CELSR2: variants seen among roughly 807,000 people sequenced by gnomAD.
The protein encoded by CELSR2 is EGF-like protein 2.
A neutral mutation model predicts 251.6 loss-of-function variants in CELSR2; 81 were observed. The ratio of observed to expected loss-of-function variants is 0.32; its 90% confidence interval spans 0.27 to 0.39. The LOEUF (loss-of-function observed/expected upper bound fraction) is 0.39. Ranked by LOEUF, CELSR2 falls within the 10% of genes least tolerant of loss-of-function variation. The pLI, the probability that CELSR2 is intolerant of heterozygous loss-of-function variation, is 1.00. For synonymous variants in CELSR2, 1,721 were observed against 1,670.5 expected (o/e 1.03, Z -0.74); for missense variants, 3,365 against 3,947.7 (o/e 0.85, Z 3.96).
rs1334116691 is a variant in CELSR2, at chr1:109,252,282, A to G, written c.2203A>G (p.Ser735Gly). 2 of 1,613,314 alleles carry G rather than the reference A, an allele frequency of 1.2e-6. No homozygotes were observed. Among genetic ancestry groups the G allele is most frequent in the East Asian group, 2.2e-5 (1 of 44,888 alleles). Residue 735 changes from serine to glycine, a missense_variant, in exon 1 of 34, where the codon AGC becomes GGC. Coordinates refer to ENST00000271332, the MANE Select transcript of CELSR2 (RefSeq NM_001408.3). This position sits in a 1 kb window ranked among gnomAD's most constrained non-coding sequence, Gnocchi z 4.8. ...GGCAGGCACCACGGTGGTGCTGATC[A>G]GCGCCACGGATGAGGACACAGGTGA... is the stretch of plus-strand genomic sequence containing the variant. ...RPAGTTVVLI[S>G]ATDEDTGENA...
intron 17 of CELSR2, 65 bp from the exon 18 acceptor site, chr1:109,268,516 G>T: frequency 1.3e-6 from 2 of 1,527,834 alleles, no homozygotes; most frequent in Non-Finnish European, 1.8e-6. Context: ...CACAGGCCGG[G>T]GCTCCATGGT....
rs779560542 is a variant in CELSR2 at position 109,251,267 on chromosome 1, C to T, written c.1188C>T (p.Ala396=). ...CTGTGGAGGATGACAATGATAATGC[C>T]CCCCAGTTTAGTGAGAAGCGCTATG... ...FLSVEDDNDN[A]PQFSEKRYVV... Residue 396 remains alanine, a synonymous_variant, in exon 1 of 34, where the codon GCC becomes GCT. Transcript: ENST00000271332. The surrounding 1 kb of genome is among the most constrained non-coding windows in gnomAD (Gnocchi z 4.9). The T allele has an allele frequency of 2.0e-5, 33 of 1,614,090 alleles. 2 individuals carry two copies. In the South Asian group the frequency reaches 3.2e-4, roughly 16 times the overall value.
Position 109,249,554 on chromosome 1 carries a change from C to T in CELSR2, c.-526C>T, listed in dbSNP as rs914223401. Reference sequence around the variant, plus strand: ...CCGCGACTCTGCAGAGCTCGCCCGCCCGCCGGGGAGGCGAGGGAGCGCGGG... The same window carrying T: ...CCGCGACTCTGCAGAGCTCGCCCGCTCGCCGGGGAGGCGAGGGAGCGCGGG... On this transcript the variant is annotated 5_prime_UTR_variant, in exon 1 of 34. Coordinates refer to ENST00000271332, the MANE Select transcript of CELSR2 (RefSeq NM_001408.3). 1.4e-4 allele frequency among the ~76,000 whole-genome samples: 21 copies of T among 150,456 alleles called. No homozygotes were observed. Among genetic ancestry groups the T allele is most frequent in the African/African-American group, 4.8e-4 (20 of 41,298 alleles).
chr1:109,273,836 C>A, intron 33 of CELSR2, 166 bp downstream of exon 33: 1 of 1,029,762 alleles, frequency 9.7e-7, no homozygotes, highest in South Asian at 1.5e-5. Flanking sequence ...ACCATGGTGC[C>A]TTGCGGGGAG....
Position 109,273,420 on chromosome 1 carries a change from C to T in CELSR2, c.8510-16C>T, listed in dbSNP as rs1459477449. 6.2e-7 allele frequency: 1 copy of T among 1,609,090 alleles called. No individual in the cohort carries two copies. Among genetic ancestry groups the T allele is most frequent in the African/African-American group, 1.3e-5 (1 of 74,882 alleles). On this transcript the variant is annotated splice_polypyrimidine_tract_variant and intron_variant, in intron 32 of 33. Transcript: ENST00000271332. ...TCTCCTGTGGCCGCACCTCACAGCC[C>T]CGCCCCGGCCCACAGGCATCCTTAA...
At chr1:109,255,020 C>CGGT (rs1483933757) in intron 1 of CELSR2, among the ~76,000 whole-genome samples, 1 of 152,194 alleles carries the variant, frequency 6.6e-6, no homozygotes, top group Non-Finnish European at 1.5e-5. Context: ...ATTAAGCCTT[C>CGGT]GGTCTCCCAC....
intron 1 of CELSR2, among the ~76,000 whole-genome samples, chr1:109,254,901 C>T (rs1011466193): frequency 6.6e-6 from 1 of 152,218 alleles, no homozygotes; most frequent in Non-Finnish European, 1.5e-5. Context: ...TGTGCCTGGG[C>T]ACTTGAGACA....
intron 29 of CELSR2, 88 bp from the exon 30 acceptor site, chr1:109,272,539 AAGGGACCCACAGC>A: frequency 1.3e-6 from 2 of 1,483,922 alleles, no homozygotes; most frequent in Non-Finnish European, 1.9e-6. Flanking sequence ...TAGAAGCTGT[AAGGGACCCACAGC>A]AGGAACCAGG....
rs745589343 is a variant in CELSR2 at position 109,273,474 on chromosome 1, A to G, written c.8548A>G (p.Lys2850Glu). 1 of 1,612,532 alleles carries G rather than the reference A, an allele frequency of 6.2e-7. No homozygotes were observed. The highest frequency in any genetic ancestry group is 2.2e-5 in the East Asian group (1 of 44,794). The change falls in exon 33 of 34, where the codon AAG becomes GAG. Residue 2850 changes from lysine to glutamate, a missense_variant. By Grantham distance (56) the Lys-to-Glu change is moderately conservative. This residue lies in a region of CELSR2 where 2,093 missense variants were observed against 2,382.8 expected (regional missense o/e 0.88). Coordinates refer to ENST00000271332, the MANE Select transcript of CELSR2 (RefSeq NM_001408.3). ...KKKCLPTISE[K>E]SSLLRLPLEQ... Reference sequence around the variant, plus strand: ...GAAGTGTCTGCCCACCATCAGCGAGAAGAGCAGCCTCCTGCGGCTCCCCCT... The same window carrying G: ...GAAGTGTCTGCCCACCATCAGCGAGGAGAGCAGCCTCCTGCGGCTCCCCCT...
At chr1:109,267,527 C>G (rs745515662) in intron 15 of CELSR2, 21 bp from the exon 16 acceptor site, 2 of 1,610,680 alleles carry the variant, frequency 1.2e-6, no homozygotes, top group Non-Finnish European at 1.7e-6. Flanking sequence ...GAGGCCGGCC[C>G]TTTTGGCTTC....
At position 109,271,611 on chromosome 1, in the gene CELSR2, C is replaced by T. The variant is rs574453517; in HGVS notation, c.7815C>T (p.Ile2605=). ...CTCTTGCCTGCCAGGGCCCCTTCATCTTCCTCTCCTATGTGGTGCTTAGCA... is the reference window on the plus strand; with the variant it reads ...CTCTTGCCTGCCAGGGCCCCTTCATTTTCCTCTCCTATGTGGTGCTTAGCA... ...ATCNCIQGPF[I]FLSYVVLSKE... Residue 2605 remains isoleucine, a synonymous_variant, in exon 28 of 34, where the codon ATC becomes ATT. Coordinates refer to ENST00000271332, the MANE Select transcript of CELSR2 (RefSeq NM_001408.3). The T allele has an allele frequency of 1.2e-6, 2 of 1,614,140 alleles. No homozygotes were observed. The highest frequency in any genetic ancestry group is 3.3e-5 in the Admixed American group (2 of 60,028).
At chr1:109,268,809 C>T (rs749087656) in intron 18 of CELSR2, 45 bp downstream of exon 18, 3 of 1,582,588 alleles carry the variant, frequency 1.9e-6, no homozygotes, top group Non-Finnish European at 2.6e-6. Context: ...GGAGGGAGTC[C>T]CCGACAAGAG....
rs142614123 is a variant in CELSR2 at position 109,251,351 on chromosome 1, G to A, written c.1272G>A (p.Ser424=). The change falls in exon 1 of 34, where the codon TCG becomes TCA. Residue 424 remains serine (S), a synonymous_variant. Coordinates refer to ENST00000271332, the MANE Select transcript of CELSR2 (RefSeq NM_001408.3). This position sits in a 1 kb window ranked among gnomAD's most constrained non-coding sequence, Gnocchi z 4.9. The part of the protein sequence containing the change: ...PGAPVLRVTA[S]DRDKGSNAVV... ...CCCCAGTACTCCGAGTCACAGCCTC[G>A]GATCGAGACAAGGGGAGCAATGCCG... 1.3e-4 allele frequency: 215 copies of A among 1,614,128 alleles called. 1 individual carries two copies. Among genetic ancestry groups the A allele is most frequent in the Admixed American group, 8.5e-4 (51 of 60,034 alleles).
At position 109,263,928 on chromosome 1, in the gene CELSR2, G is replaced by A. The variant is rs56197083; in HGVS notation, c.5002-150G>A. 14,804 of 1,385,364 alleles carry A rather than the reference G, an allele frequency of 0.011. 1,206 individuals are homozygous for A. The African/African-American group carries it at 0.19, about 17-fold the overall frequency. 85.8% of individuals were successfully genotyped at this position (1,385,364 alleles called of 1,614,324 possible). Reference sequence around the variant, plus strand: ...GTTGGGAAGGTCAATGCTGCCACCTGTTGGGCCTGAGGGAAATAAATACGC... The same window carrying A: ...GTTGGGAAGGTCAATGCTGCCACCTATTGGGCCTGAGGGAAATAAATACGC... On this transcript the variant is annotated intron_variant, in intron 9 of 33. Transcript: ENST00000271332.
chr1:109,256,720 C>T (rs897079029), intron 1 of CELSR2, among the ~76,000 whole-genome samples: 3 of 152,186 alleles, frequency 2.0e-5, no homozygotes, highest in African/African-American at 7.2e-5. Context: ...CGGCTCACTG[C>T]AACCTCTGCC....
At chr1:109,257,347 T>G (rs1655876015) in intron 1 of CELSR2, among the ~76,000 whole-genome samples, 1 of 140,212 alleles carries the variant, frequency 7.1e-6, no homozygotes, top group Non-Finnish European at 1.5e-5. Context: ...AGAGTCTGTC[T>G]CTTAAAAAAA....
intron 5 of CELSR2, 137 bp downstream of exon 5, chr1:109,262,033 G>A: frequency 9.3e-7 from 1 of 1,074,174 alleles, no homozygotes; most frequent in Non-Finnish European, 1.4e-6. Flanking sequence ...CGGCTGGGAA[G>A]GTGCCACCTT....
At position 109,252,890 on chromosome 1, in the gene CELSR2, G is replaced by A; in HGVS notation, c.2811G>A (p.Gly937=). 1 of 1,612,622 alleles carries A rather than the reference G, an allele frequency of 6.2e-7. No individual in the cohort carries two copies. The stretch of plus-strand genomic sequence containing the variant: ...TTGTGGAAGAGAACAGCCCCATTGG[G>A]CTAGCCGTGGCCCGGGTCACAGCCA... ...DVFVEENSPI[G]LAVARVTATD... is the part of the protein sequence containing the mutation. Residue 937 remains glycine, a synonymous_variant, in exon 1 of 34, where the codon GGG becomes GGA. Coordinates refer to ENST00000271332, the MANE Select transcript of CELSR2 (RefSeq NM_001408.3). This position sits in a 1 kb window ranked among gnomAD's most constrained non-coding sequence, Gnocchi z 4.8.
At position 109,269,182 on chromosome 1, in the gene CELSR2, G is replaced by C. The variant is rs370638612; in HGVS notation, c.6704G>C (p.Arg2235Pro). The change falls in exon 20 of 34, where the codon CGA becomes CCA. Residue 2235 changes from arginine (R) to proline (P), a missense_variant. By Grantham distance (103) the Arg-to-Pro change is moderately radical. This residue lies in a region of CELSR2 where 2,093 missense variants were observed against 2,382.8 expected (regional missense o/e 0.88). Transcript: ENST00000271332. This position sits in a 1 kb window ranked among gnomAD's most constrained non-coding sequence, Gnocchi z 6.4. ...QEPEELARRQ[R>P]RHPELSQGEA... ...CCAGAGGAGCTGGCACGGCGACAGCGACGGCACCCGGAGCTGAGCCAGGGT... is the reference window on the plus strand; with the variant it reads ...CCAGAGGAGCTGGCACGGCGACAGCCACGGCACCCGGAGCTGAGCCAGGGT... 1 of 1,612,354 alleles carries C rather than the reference G, an allele frequency of 6.2e-7. No individual in the cohort carries two copies. Among genetic ancestry groups the C allele is most frequent in the Non-Finnish European group, 8.5e-7 (1 of 1,179,598 alleles).
Sources: allele counts gnomAD v4.1 joint callset (sites outside exome capture counted in the v4.1 genomes callset), GRCh38; gene constraint gnomAD v4.1.1; regional missense constraint gnomAD v4.1.1; non-coding constraint Gnocchi (gnomAD v3.1); transcripts MANE v1.5; gene names NCBI Gene and HGNC (gene_info 2026-07-23, HGNC 2026-07-21).